Variants in GGNBP2 observed in about 807,000 individuals in gnomAD.
GGNBP2 encodes gametogenetin binding protein 2.
In GGNBP2, 10 loss-of-function variants were observed where a neutral mutation model predicts 85.9. That is an observed-to-expected ratio of 0.12 (90% CI 0.07 to 0.20). GGNBP2 has a LOEUF of 0.20. Among genes scored for constraint, GGNBP2 ranks in the 10% least tolerant of loss-of-function variants. The probability of loss-of-function intolerance (pLI) is 1.00; values close to 1 mark genes in which losing one functional copy is unlikely to be tolerated. For synonymous variants in GGNBP2, 287 were observed against 285.7 expected (o/e 1.00, Z -0.05); for missense variants, 595 against 857.8 (o/e 0.69, Z 3.83).
chr17:36,552,523 T>C (rs2074319801), intron 2 of GGNBP2, among the ~76,000 whole-genome samples: 1 of 136,268 alleles, frequency 7.3e-6, no homozygotes. Context: ...ATAAAGTTAA[T>C]GTATGAAAGT....
At chr17:36,585,599 ATTTCCTT>A in intron 10 of GGNBP2, 149 bp downstream of exon 10, 1 of 648,588 alleles carries the variant, frequency 1.5e-6, no homozygotes, top group Non-Finnish European at 2.5e-6. Flanking sequence ...GATACTTAAT[ATTTCCTT>A]TTTCTTTATG....
intron 6 of GGNBP2, among the ~76,000 whole-genome samples, chr17:36,570,570 G>A (rs932568028): frequency 6.6e-6 from 1 of 152,122 alleles, no homozygotes. Flanking sequence ...CGTGGTGGTG[G>A]GTGCCTATAA....
At chr17:36,559,207 G>GA (rs1397118091) in intron 4 of GGNBP2, among the ~76,000 whole-genome samples, 5 of 149,280 alleles carry the variant, frequency 3.3e-5, no homozygotes, top group African/African-American at 1.2e-4. Context: ...GCTGAGACGG[G>GA]AATCGCTTGA....
rs761511528 is a variant in GGNBP2, at chr17:36,586,208, A to G, written c.1641+10A>G. The G allele has an allele frequency of 2.2e-5, 35 of 1,608,286 alleles. No individual in the cohort carries two copies. The highest frequency in any genetic ancestry group is 1.4e-4 in the South Asian group (13 of 90,760). On this transcript the variant is annotated intron_variant, in intron 12 of 13. Transcript: ENST00000613102. ...GAAATGTGATGAACATGTAAGTGTCATAACTTGTAATTCTTAAACCTTTGC... is the reference window on the plus strand; with the variant it reads ...GAAATGTGATGAACATGTAAGTGTCGTAACTTGTAATTCTTAAACCTTTGC...
chr17:36,575,064 T>G, intron 6 of GGNBP2: 1 of 1,092,938 alleles, frequency 9.1e-7, no homozygotes, highest in Middle Eastern at 2.7e-4. Flanking sequence ...AAGTTAGTGA[T>G]CTCAGATTCC....
chr17:36,558,936 A>G (rs143633165), intron 4 of GGNBP2, among the ~76,000 whole-genome samples: 1 of 152,244 alleles, frequency 6.6e-6, no homozygotes, highest in South Asian at 2.1e-4. Flanking sequence ...GGAATGAGCC[A>G]GTGGGATTTT....
At position 36,581,348 on chromosome 17, in the gene GGNBP2, C is replaced by G; in HGVS notation, c.1025C>G (p.Thr342Ser). 6.3e-7 allele frequency: 1 copy of G among 1,582,482 alleles called. No homozygotes were observed. Among genetic ancestry groups the G allele is most frequent in the Non-Finnish European group, 8.6e-7 (1 of 1,165,110 alleles). The change falls in exon 9 of 14, where the codon ACC becomes AGC. Residue 342 changes from threonine (T) to serine (S), a missense_variant. Thr to Ser is a moderately conservative substitution (Grantham distance 58). Transcript: ENST00000613102. ...VDALRKSFEM[T>S]VEKVQGISRL... Reference sequence around the variant, plus strand: ...TCAACCTTATTTTTATAATAGATGACCGTGGAAAAAGTACAGGGTATTAGC... The same window carrying G: ...TCAACCTTATTTTTATAATAGATGAGCGTGGAAAAAGTACAGGGTATTAGC...
rs1341506888 is a variant in GGNBP2 at position 36,585,974 on chromosome 17, A to G, written c.1492+9A>G. The stretch of plus-strand genomic sequence containing the variant: ...TAATCATGATGAACACGGTAGGCTC[A>G]CATTAAGTTTCCCAGTTATTTCTAC... On this transcript the variant is annotated intron_variant, in intron 11 of 13. Coordinates refer to ENST00000613102, the MANE Select transcript of GGNBP2 (RefSeq NM_024835.5). 2 of 1,613,888 alleles carry G rather than the reference A, an allele frequency of 1.2e-6. No homozygotes were observed. The highest frequency in any genetic ancestry group is 1.7e-6 in the Non-Finnish European group (2 of 1,179,964).
intron 5 of GGNBP2, among the ~76,000 whole-genome samples, chr17:36,565,479 A>G (rs1350096829): frequency 6.6e-6 from 1 of 152,152 alleles, no homozygotes; most frequent in Non-Finnish European, 1.5e-5. Context: ...ATGCCTTCAC[A>G]TTCTAATGAT....
Position 36,585,343 on chromosome 17 carries a change from G to A in GGNBP2, c.1259G>A (p.Ser420Asn). 4 of 1,612,746 alleles carry A rather than the reference G, an allele frequency of 2.5e-6. No individual in the cohort carries two copies. Among genetic ancestry groups the A allele is most frequent in the Non-Finnish European group, 3.4e-6 (4 of 1,179,232 alleles). The stretch of plus-strand genomic sequence containing the variant: ...AATAGCAGCTGCAAAGCCTGTGGCA[G>A]CACTGAAGATGGTAATACTTGTGTA... ...IENSSCKACGSTEDGNTCVEV... is the reference protein window; with the variant it reads ...IENSSCKACGNTEDGNTCVEV... Residue 420 changes from serine to asparagine, a missense_variant, in exon 10 of 14, where the codon AGC (serine) becomes AAC (asparagine). Ser to Asn is a conservative substitution (Grantham distance 46). Around this residue, in one of 9 missense-constraint regions of GGNBP2, gnomAD observed 85 missense variants for 92.6 expected, o/e 0.92. Coordinates refer to ENST00000613102, the MANE Select transcript of GGNBP2 (RefSeq NM_024835.5).
intron 9 of GGNBP2, among the ~76,000 whole-genome samples, chr17:36,583,716 GC>G (rs745538526): frequency 1.3e-5 from 2 of 152,118 alleles, no homozygotes; most frequent in Non-Finnish European, 2.9e-5. Context: ...GCCCGCTTCT[GC>G]CTCCCAAAGT....
At chr17:36,583,194 C>T (rs2074668129) in intron 9 of GGNBP2, among the ~76,000 whole-genome samples, 1 of 152,092 alleles carries the variant, frequency 6.6e-6, no homozygotes, top group Non-Finnish European at 1.5e-5. Flanking sequence ...GCTGGGGCTA[C>T]AGGCGTGTGC....
At chr17:36,573,314 T>C (rs2074545039) in intron 6 of GGNBP2, among the ~76,000 whole-genome samples, 1 of 152,150 alleles carries the variant, frequency 6.6e-6, no homozygotes, top group South Asian at 2.1e-4. Flanking sequence ...GGTTTCACCT[T>C]GTTGGTCAGG....
intron 4 of GGNBP2, among the ~76,000 whole-genome samples, chr17:36,560,222 T>C (rs1285919777): frequency 6.6e-6 from 1 of 152,116 alleles, no homozygotes; most frequent in African/African-American, 2.4e-5. Flanking sequence ...CCTTCCAAAG[T>C]GCTGGGATTA....
At chr17:36,563,094 T>C (rs933287494) in intron 5 of GGNBP2, among the ~76,000 whole-genome samples, 2 of 149,934 alleles carry the variant, frequency 1.3e-5, no homozygotes, top group Non-Finnish European at 1.5e-5. Context: ...GGTGAAACCC[T>C]GTCTCTACTA....
In GGNBP2 at chr17:36,578,062, GGCT is replaced by G; in HGVS notation, c.722_724del (p.Gly241_Tyr242delinsAsp). The G allele has an allele frequency of 6.2e-7, 1 of 1,613,890 alleles. No homozygotes were observed. The highest frequency in any genetic ancestry group is 8.5e-7 in the Non-Finnish European group (1 of 1,179,790). ...TGAACTTGACTGCAGCAAAGAAAAG[GGCT>G]ACTGTGCTGCACTTTATGAAGGCTT... is the stretch of plus-strand genomic sequence containing the variant. On this transcript the variant is annotated inframe_deletion, in exon 7 of 14. Transcript: ENST00000613102.
chr17:36,577,983 G>T lies in GGNBP2; in HGVS notation c.642G>T (p.Arg214Ser). The T allele has an allele frequency of 6.2e-7, 1 of 1,611,910 alleles. No homozygotes were observed. Among genetic ancestry groups the T allele is most frequent in the Non-Finnish European group, 8.5e-7 (1 of 1,178,254 alleles). ...ATTTTAAGGTTTTTCTTTTCAACAGGTTTTGCACTGATTGCAAAAATAAAG... is the reference window on the plus strand; with the variant it reads ...ATTTTAAGGTTTTTCTTTTCAACAGTTTTTGCACTGATTGCAAAAATAAAG... ...ETLETYLRKH[R>S]FCTDCKNKVL... The change falls in exon 7 of 14, where the codon AGG becomes AGT. Residue 214 changes from arginine to serine, a missense_variant and splice_region_variant. Physicochemically the swap from Arg to Ser is moderately radical, Grantham distance 110 (BLOSUM62 -1). Coordinates refer to ENST00000613102, the MANE Select transcript of GGNBP2 (RefSeq NM_024835.5).
chr17:36,575,648 A>ATATATATAT (rs374366757), intron 6 of GGNBP2, among the ~76,000 whole-genome samples: 63 of 54,902 alleles, frequency 1.1e-3, no homozygotes, highest in African/African-American at 3.5e-3. Context: ...ATATATATAT[A>ATATATATAT]TTTTTTTTTT....
intron 11 of GGNBP2, 26 bp from the exon 12 acceptor site, chr17:36,586,024 A>T (rs1390133740): frequency 6.2e-7 from 1 of 1,613,692 alleles, no homozygotes; most frequent in Non-Finnish European, 8.5e-7. Context: ...AAGAACATAA[A>T]TAAGAAGGAT....
Sources: allele counts gnomAD v4.1 joint callset (sites outside exome capture counted in the v4.1 genomes callset), GRCh38; gene constraint gnomAD v4.1.1; regional missense constraint gnomAD v4.1.1; transcripts MANE v1.5; gene names NCBI Gene and HGNC (gene_info 2026-07-23, HGNC 2026-07-21).